The following WDR36 variants were observed in gnomAD, a reference collection of about 807,000 sequenced individuals.
The protein encoded by WDR36 is WD repeat-containing protein 36.
In WDR36, 63 loss-of-function variants were observed where a neutral mutation model predicts 112.7. The ratio of observed to expected loss-of-function variants is 0.56; its 90% CI spans 0.46 to 0.69. The LOEUF (loss-of-function observed/expected upper bound fraction) is 0.69. Among genes scored for constraint, WDR36 ranks in the 30% least tolerant of loss-of-function variants. The probability of loss-of-function intolerance (pLI) is 0.00; values close to 1 mark genes in which losing one functional copy is unlikely to be tolerated. For synonymous variants in WDR36, 410 were observed against 362.2 expected (o/e 1.13, Z -1.50); for missense variants, 1,226 against 1,070.3 (o/e 1.15, Z -2.03).
intron 19 of WDR36, among the ~76,000 whole-genome samples, chr5:111,122,073 T>C (rs1182706003): frequency 6.6e-6 from 1 of 152,218 alleles, no homozygotes; most frequent in Non-Finnish European, 1.5e-5. Flanking sequence ...GAAGTTAAAA[T>C]TGCTTCTTTT....
intron 17 of WDR36, 91 bp downstream of exon 17, chr5:111,119,211 T>C (rs1753518165): frequency 3.0e-6 from 3 of 1,000,846 alleles, no homozygotes; most frequent in Non-Finnish European, 4.8e-6. Flanking sequence ...AGGCTGTTTT[T>C]AAGTGTATTA....
chr5:111,105,216 G>T lies in WDR36; in HGVS notation c.1028-79G>T. ...ACTGTAACTTCAAGATTTTCAAATT[G>T]AATTTTATAAAATTTGTGATTCACA... On this transcript the variant is annotated intron_variant, in intron 9 of 22. Coordinates refer to ENST00000513710, the MANE Select transcript of WDR36 (RefSeq NM_139281.3). The T allele has an allele frequency of 4.1e-6, 6 of 1,452,814 alleles. No individual in the cohort carries two copies. In the South Asian group the frequency reaches 6.9e-5, roughly 17 times the overall value. The allele number at this position is 1,452,814 out of a possible 1,614,324, so 90.0% of individuals were successfully genotyped here.
chr5:111,124,134 G>A lies in WDR36; in HGVS notation c.2295G>A (p.Leu765=). 6.2e-7 allele frequency: 1 copy of A among 1,612,686 alleles called. No individual in the cohort carries two copies. The highest frequency in any genetic ancestry group is 1.3e-5 in the African/African-American group (1 of 74,896). ...QQSKVVNLGV[L]AQKSDFCLKL... is the part of the protein sequence containing the mutation. The stretch of plus-strand genomic sequence containing the variant: ...CTAAAGTGGTAAATCTTGGAGTTTT[G>A]GCTCAAAAATCAGATTTCTGCTTGA... Residue 765 remains leucine (L), a synonymous_variant, in exon 21 of 23, where the codon TTG becomes TTA. Transcript: ENST00000513710.
At position 111,103,831 on chromosome 5, in the gene WDR36, G is replaced by C. The variant is rs1449707852; in HGVS notation, c.643G>C (p.Val215Leu). 1 of 1,611,308 alleles carries C rather than the reference G, an allele frequency of 6.2e-7. No individual in the cohort carries two copies. Among genetic ancestry groups the C allele is most frequent in the Non-Finnish European group, 8.5e-7 (1 of 1,178,204 alleles). The change falls in exon 7 of 23, where the codon GTT (valine) becomes CTT (leucine). Residue 215 changes from valine to leucine, a missense_variant. Coordinates refer to ENST00000513710, the MANE Select transcript of WDR36 (RefSeq NM_139281.3). The stretch of plus-strand genomic sequence containing the variant: ...TGCTATTGGTCTTATGTCAGGTCAA[G>C]TTATCATTCACAACATTAAATTTAA... The part of the protein sequence containing the change: ...VVAIGLMSGQ[V>L]IIHNIKFNET...
chr5:111,124,212 TTAAC>T, intron 21 of WDR36, 23 bp downstream of exon 21: 3 of 1,564,990 alleles, frequency 1.9e-6, no homozygotes, highest in Non-Finnish European at 2.6e-6. Context: ...ATAAGATATT[TTAAC>T]TAATATATTT....
At chr5:111,110,443 C>A in intron 13 of WDR36, 140 bp downstream of exon 13, 2 of 739,068 alleles carry the variant, frequency 2.7e-6, no homozygotes, top group South Asian at 1.6e-5. Context: ...ATGGCAGATA[C>A]TGCAATTGTA....
At chr5:111,104,976 G>T (rs1241159241) in intron 9 of WDR36, among the ~76,000 whole-genome samples, 159 bp downstream of exon 9, 2 of 151,512 alleles carry the variant, frequency 1.3e-5, no homozygotes, top group East Asian at 3.9e-4. Flanking sequence ...TACTTGAGAA[G>T]CACTATAGAT....
chr5:111,120,892 G>T lies in WDR36; in HGVS notation c.2003-104G>T, dbSNP rs994464026. 21 of 1,010,920 alleles carry T rather than the reference G, an allele frequency of 2.1e-5. No individual in the cohort carries two copies. The Admixed American group carries it at 4.1e-4, about 20-fold the overall frequency. The allele number at this position is 1,010,920 out of a possible 1,614,324, so 62.6% of individuals were successfully genotyped here. Reference sequence around the variant, plus strand: ...ATGAAATAAATGAACAGTCTACAAGGCTGCATTAAATGAACATGTTATGAA... The same window carrying T: ...ATGAAATAAATGAACAGTCTACAAGTCTGCATTAAATGAACATGTTATGAA... On this transcript the variant is annotated intron_variant, in intron 18 of 22. Transcript: ENST00000513710.
chr5:111,094,907 C>G lies in WDR36; in HGVS notation c.163-13C>G, dbSNP rs761205736. On this transcript the variant is annotated splice_polypyrimidine_tract_variant and intron_variant, in intron 1 of 22. Transcript: ENST00000513710. ...TGTTAATGAAAATTTAACCTTTTTT[C>G]TTTTTTAAACAGGTTCAGAAACTTA... 4 of 1,593,912 alleles carry G rather than the reference C, an allele frequency of 2.5e-6. No individual in the cohort carries two copies. In the Admixed American group the frequency reaches 5.2e-5, roughly 21 times the overall value.
intron 15 of WDR36, 22 bp from the exon 16 acceptor site, chr5:111,113,052 A>AGATATAT: frequency 2.1e-6 from 1 of 472,688 alleles, no homozygotes; most frequent in Non-Finnish European, 3.1e-6. Context: ...ATATATATAT[A>AGATATAT]TTTTTTTTTT....
Position 111,092,521 on chromosome 5 carries a change from T to G in WDR36, c.65T>G (p.Leu22Arg). The G allele has an allele frequency of 6.2e-7, 1 of 1,614,216 alleles. No individual in the cohort carries two copies. The highest frequency in any genetic ancestry group is 8.5e-7 in the Non-Finnish European group (1 of 1,180,038). Residue 22 changes from leucine (L) to arginine (R), a missense_variant, in exon 1 of 23, where the codon CTT becomes CGT. Leu to Arg is a moderately radical substitution (Grantham distance 102, BLOSUM62 -2). Coordinates refer to ENST00000513710, the MANE Select transcript of WDR36 (RefSeq NM_139281.3). The part of the protein sequence containing the change: ...ALFAGFRALG[L>R]FSNDIPHVVR... ...TTTGCGGGGTTCCGGGCCTTGGGACTTTTCAGCAACGACATTCCACACGTG... is the reference window on the plus strand; with the variant it reads ...TTTGCGGGGTTCCGGGCCTTGGGACGTTTCAGCAACGACATTCCACACGTG...
chr5:111,128,432 T>G lies in WDR36; in HGVS notation c.*1549T>G, dbSNP rs1753719239. ...ATGTGTATTGACTTATTAAAGCCAC[T>G]GACAGAAATGTTAATCATGACTTAA... is the stretch of plus-strand genomic sequence containing the variant. On this transcript the variant is annotated 3_prime_UTR_variant, in exon 23 of 23. Coordinates refer to ENST00000513710, the MANE Select transcript of WDR36 (RefSeq NM_139281.3). The G allele has an allele frequency of 5.5e-6, 1 of 181,850 alleles. No individual in the cohort carries two copies. The highest frequency in any genetic ancestry group is 1.2e-5 in the Non-Finnish European group (1 of 85,162). The allele number at this position is 181,850 out of a possible 1,614,324, so 11.3% of individuals were successfully genotyped here.
At position 111,092,359 on chromosome 5, in the gene WDR36, A is replaced by C. The variant is rs771871684; in HGVS notation, c.-98A>C. Reference sequence around the variant, plus strand: ...GCGCCGGAAGCGGTGTTGTGTCTGCAGCTCTGGCAGAGGACTGTTCCACTA... The same window carrying C: ...GCGCCGGAAGCGGTGTTGTGTCTGCCGCTCTGGCAGAGGACTGTTCCACTA... On this transcript the variant is annotated 5_prime_UTR_variant, in exon 1 of 23. Transcript: ENST00000513710. 5 of 1,614,128 alleles carry C rather than the reference A, an allele frequency of 3.1e-6. No individual in the cohort carries two copies. In the Admixed American group the frequency reaches 5.0e-5, roughly 16 times the overall value.
At chr5:111,111,307 G>T in intron 15 of WDR36, 29 bp downstream of exon 15, 2 of 1,568,868 alleles carry the variant, frequency 1.3e-6, no homozygotes, top group South Asian at 1.1e-5. Context: ...AATAAAACTT[G>T]ACTCATTTCT....
chr5:111,101,795 A>G (rs17132782), intron 5 of WDR36, among the ~76,000 whole-genome samples: 6,352 of 151,926 alleles, frequency 0.042, 448 homozygotes, highest in African/African-American at 0.14. Flanking sequence ...AGGTTCAGCA[A>G]TAGTGACTGA....
chr5:111,095,048 A>T, intron 2 of WDR36, 101 bp downstream of exon 2: 1 of 1,082,204 alleles, frequency 9.2e-7, no homozygotes, highest in South Asian at 1.4e-5. Flanking sequence ...CCAAGGTAAC[A>T]TGTATGTCTT....
intron 2 of WDR36, chr5:111,095,162 G>T: frequency 1.9e-6 from 1 of 533,492 alleles, no homozygotes; most frequent in South Asian, 2.2e-5. Context: ...CTGTTCTTTA[G>T]ACTTTCTTTG....
At chr5:111,104,494 C>A in intron 8 of WDR36, 142 bp downstream of exon 8, 1 of 1,403,114 alleles carries the variant, frequency 7.1e-7, no homozygotes, top group Non-Finnish European at 1.0e-6. Flanking sequence ...AAACAAAAAG[C>A]ACAGCAGGTG....
At chr5:111,118,926 CCTTAT>C (rs1351646599) in intron 16 of WDR36, 82 bp from the exon 17 acceptor site, 72 of 1,042,954 alleles carry the variant, frequency 6.9e-5, no homozygotes, top group Non-Finnish European at 9.5e-5. Flanking sequence ...ATCTCTTATC[CCTTAT>C]CTTTTTGGCA....
Sources: gnomAD v4.1 joint callset for allele counts (sites outside exome capture counted in the v4.1 genomes callset) on GRCh38, gnomAD v4.1.1 for gene constraint, MANE v1.5 for transcripts, NCBI Gene and HGNC (gene_info 2026-07-23, HGNC 2026-07-21) for gene names.